Variants in MEI4 observed in about 807,000 individuals in gnomAD.
MEI4 encodes the protein meiotic double-stranded break formation protein 4, also known as meiosis-specific protein MEI4.
Under a neutral mutation model 31.4 loss-of-function variants are expected in MEI4, and 27 were observed. That is an observed-to-expected ratio of 0.86 (90% CI 0.63 to 1.19). The LOEUF is 1.19. Among genes scored for constraint, MEI4 ranks in the 50% most tolerant of loss-of-function variants. MEI4 has a pLI of 0.00. For synonymous variants in MEI4, 122 were observed against 145.4 expected, an observed-to-expected ratio of 0.84 and a Z score of 1.16; for missense variants, 329 against 398.9, an observed-to-expected ratio of 0.82 and a Z score of 1.49.
At chr6:77,909,827 G>A (rs550854757) in intron 4 of MEI4, among the ~76,000 whole-genome samples, 12 of 152,064 alleles carry the variant, frequency 7.9e-5, no homozygotes, top group East Asian at 7.7e-4. Flanking sequence ...CTGGCAAACC[G>A]AATCCAGTAG....
At chr6:77,790,004 C>A (rs1485665024) in intron 3 of MEI4, among the ~76,000 whole-genome samples, 1 of 151,936 alleles carries the variant, frequency 6.6e-6, no homozygotes, top group African/African-American at 2.4e-5. Flanking sequence ...TGGAACCAAG[C>A]CAAATGTCCA....
intron 4 of MEI4, among the ~76,000 whole-genome samples, chr6:77,912,546 G>GT (rs140606502): frequency 2.1e-3 from 321 of 151,668 alleles, no homozygotes; most frequent in African/African-American, 6.9e-3. Context: ...GTGGTTACAT[G>GT]TTTTTTTTGG....
chr6:77,900,614 T>C lies in MEI4; in HGVS notation c.901-22475T>C, dbSNP rs146513797. Among the ~76,000 whole-genome samples, 1,282 of 152,054 alleles carry C rather than the reference T, an allele frequency of 8.4e-3. 6 individuals carry two copies. The highest frequency in any genetic ancestry group is 0.014 in the Non-Finnish European group (930 of 67,900). On this transcript the variant is annotated intron_variant, in intron 4 of 4. Coordinates refer to ENST00000684080, the MANE Select transcript of MEI4 (RefSeq NM_001322247.2). ...AAAGGCTCAATGAATACATGGCATC[T>C]GTGATAGGTACTGAAGGCTGATCAG...
chr6:77,797,566 C>T (rs1181906704), intron 3 of MEI4, among the ~76,000 whole-genome samples: 1 of 152,070 alleles, frequency 6.6e-6, no homozygotes, highest in East Asian at 1.9e-4. Flanking sequence ...AGCCTTCAGT[C>T]TGTAGTCAAA....
At chr6:77,853,371 A>G (rs897057283) in intron 4 of MEI4, among the ~76,000 whole-genome samples, 1 of 152,240 alleles carries the variant, frequency 6.6e-6, no homozygotes, top group Non-Finnish European at 1.5e-5. Context: ...AAAAACTTTT[A>G]AGGAGTTTCA....
rs1293426427 is a variant in MEI4 at position 77,690,727 on chromosome 6, T to C, written c.56T>C (p.Ile19Thr). The stretch of plus-strand genomic sequence containing the variant: ...TCAAAGCTGGCTCTGGCCTTGGCAA[T>C]TATCCGCTCAAAACCAGCAGACAAA... ...RTSKLALALAIIRSKPADKSS... is the reference protein window; with the variant it reads ...RTSKLALALATIRSKPADKSS... The change falls in exon 2 of 5, where the codon ATT becomes ACT. Residue 19 changes from isoleucine to threonine, a missense_variant. Transcript: ENST00000684080. The C allele has an allele frequency of 8.1e-7, 1 of 1,231,434 alleles. No homozygotes were observed. Among genetic ancestry groups the C allele is most frequent in the Non-Finnish European group, 1.0e-6 (1 of 987,436 alleles). The allele number at this position is 1,231,434 out of a possible 1,614,324, so 76.3% of individuals were successfully genotyped here.
At chr6:77,812,559 A>G (rs1469011862) in intron 3 of MEI4, among the ~76,000 whole-genome samples, 2 of 152,076 alleles carry the variant, frequency 1.3e-5, no homozygotes, top group African/African-American at 4.8e-5. Flanking sequence ...TTAGAAGAGG[A>G]AATTACCCCA....
intron 1 of MEI4, among the ~76,000 whole-genome samples, chr6:77,686,288 T>G: frequency 6.6e-6 from 1 of 152,192 alleles, no homozygotes; most frequent in East Asian, 1.9e-4. Context: ...AAAGTATAAG[T>G]AAGAAAATAA....
intron 3 of MEI4, among the ~76,000 whole-genome samples, chr6:77,827,160 A>G (rs545171845): frequency 1.3e-5 from 2 of 152,052 alleles, no homozygotes; most frequent in South Asian, 4.2e-4. Context: ...GGAGATCAAG[A>G]CCATCCTGGC....
At chr6:77,866,467 C>T (rs573875175) in intron 4 of MEI4, among the ~76,000 whole-genome samples, 2 of 152,082 alleles carry the variant, frequency 1.3e-5, no homozygotes, top group Non-Finnish European at 2.9e-5. Flanking sequence ...GAGTGAACTC[C>T]CATTCACAAT....
chr6:77,923,750 A>AAAGTGTTGGAATATAAG lies in MEI4; in HGVS notation c.*410_*426dup, dbSNP rs1313706775. On this transcript the variant is annotated 3_prime_UTR_variant, in exon 5 of 5. Transcript: ENST00000684080. Reference sequence around the variant, plus strand: ...AGAAGTTTAGTTGCATTATCAACACAAAGTGTTGGAATATAAGAAGTGGTC... The same window carrying AAAGTGTTGGAATATAAG: ...AGAAGTTTAGTTGCATTATCAACACAAAGTGTTGGAATATAAGAAGTGTTGGAATATAAGAAGTGGTC... The AAAGTGTTGGAATATAAG allele has an allele frequency of 6.5e-6, 1 of 152,796 alleles. No individual in the cohort carries two copies. The highest frequency in any genetic ancestry group is 1.5e-5 in the Non-Finnish European group (1 of 68,548). The allele number at this position is 152,796 out of a possible 1,614,324, so 9.5% of individuals were successfully genotyped here.
At chr6:77,731,197 C>T (rs1236563679) in intron 2 of MEI4, among the ~76,000 whole-genome samples, 8 of 150,086 alleles carry the variant, frequency 5.3e-5, no homozygotes, top group South Asian at 2.1e-4. Context: ...CCTGAGGAAT[C>T]GCCACACTGA....
At chr6:77,658,350 G>A (rs192626193) in intron 1 of MEI4, among the ~76,000 whole-genome samples, 2 of 152,172 alleles carry the variant, frequency 1.3e-5, no homozygotes, top group Admixed American at 6.5e-5. Flanking sequence ...AATGTCATCA[G>A]TTAAGGCTGT....
intron 4 of MEI4, among the ~76,000 whole-genome samples, chr6:77,870,875 A>G (rs535150904): frequency 6.6e-6 from 1 of 152,298 alleles, no homozygotes; most frequent in East Asian, 1.9e-4. Flanking sequence ...TCCCTTTTAA[A>G]ATGACTACTG....
chr6:77,699,580 G>A (rs941967887), intron 2 of MEI4, among the ~76,000 whole-genome samples: 9 of 152,234 alleles, frequency 5.9e-5, no homozygotes, highest in South Asian at 2.1e-4. Flanking sequence ...CTCTCAATTC[G>A]TCAAAGTCAT....
intron 2 of MEI4, among the ~76,000 whole-genome samples, chr6:77,704,030 G>A (rs1047287021): frequency 6.6e-6 from 1 of 152,092 alleles, no homozygotes; most frequent in African/African-American, 2.4e-5. Flanking sequence ...GAAGGAAGAG[G>A]ATAACAAAAG....
chr6:77,831,950 A>C lies in MEI4; in HGVS notation c.900+2888A>C, dbSNP rs946718989. ...TGTTTCCAACATAAAGAAAAGATAA[A>C]TGTTTGCAATGATAGATATCCCAAT... is the stretch of plus-strand genomic sequence containing the variant. On this transcript the variant is annotated intron_variant, in intron 4 of 4. Transcript: ENST00000684080. Among the ~76,000 whole-genome samples the C allele has an allele frequency of 5.2e-4, 79 of 152,034 alleles. 1 individual carries two copies. Among genetic ancestry groups the C allele is most frequent in the Admixed American group, 5.0e-3 (76 of 15,256 alleles).
At chr6:77,913,490 C>A (rs1180819579) in intron 4 of MEI4, among the ~76,000 whole-genome samples, 1 of 152,024 alleles carries the variant, frequency 6.6e-6, no homozygotes, top group African/African-American at 2.4e-5. Context: ...TTAAAGTTTT[C>A]TATTTCTTTC....
chr6:77,682,288 A>G (rs1382648095), intron 1 of MEI4, among the ~76,000 whole-genome samples: 1 of 152,206 alleles, frequency 6.6e-6, no homozygotes, highest in African/African-American at 2.4e-5. Context: ...TTTCTTGGCA[A>G]GTATTTAGAG....
Sources: allele counts gnomAD v4.1 joint callset (sites outside exome capture counted in the v4.1 genomes callset), GRCh38; gene constraint gnomAD v4.1.1; transcripts MANE v1.5; gene names NCBI Gene and HGNC (gene_info 2026-07-23, HGNC 2026-07-21).